SCTR: variants seen among roughly 807,000 people sequenced by gnomAD.
SCTR encodes the protein secretin receptor.
In SCTR, 56 loss-of-function variants were observed where a neutral mutation model predicts 60.8. The observed-to-expected ratio is 0.92, with a 90% CI of 0.74 to 1.15. SCTR has a LOEUF of 1.15. SCTR is among the 50% of genes most tolerant of loss of function. The pLI is 0.00. For synonymous variants in SCTR, 202 were observed against 217.0 expected (o/e 0.93, Z 0.61); for missense variants, 562 against 550.4 (o/e 1.02, Z -0.21).
At position 119,440,170 on chromosome 2, in the gene SCTR, T is replaced by C. The variant is rs1682601818; in HGVS notation, c.1270A>G (p.Lys424Glu). The C allele has an allele frequency of 1.2e-6, 2 of 1,614,078 alleles. No homozygotes were observed. The highest frequency in any genetic ancestry group is 8.5e-7 in the Non-Finnish European group (1 of 1,180,002). Residue 424 changes from lysine (K) to glutamate (E), a missense_variant, in exon 13 of 13, where the codon AAG becomes GAG. Physicochemically the swap from Lys to Glu is moderately conservative, Grantham distance 56. Coordinates refer to ENST00000019103, the MANE Select transcript of SCTR (RefSeq NM_002980.3). ...TGGCTCTGCTCCAAGTGGCTGGCCTTGGTGCTGTTGCTGAAGGAGGCCACG... is the reference window on the plus strand; with the variant it reads ...TGGCTCTGCTCCAAGTGGCTGGCCTCGGTGCTGTTGCTGAAGGAGGCCACG... ...HPVASFSNST[K>E]ASHLEQSQGT... is the part of the protein sequence containing the mutation.
chr2:119,521,522 T>C (rs1039575402), intron 1 of SCTR, among the ~76,000 whole-genome samples: 17 of 152,042 alleles, frequency 1.1e-4, no homozygotes, highest in African/African-American at 4.1e-4. Flanking sequence ...ATGAGATGTA[T>C]GGGGGTGGGG....
At chr2:119,518,115 C>T (rs1319374775) in intron 1 of SCTR, among the ~76,000 whole-genome samples, 6 of 152,178 alleles carry the variant, frequency 3.9e-5, no homozygotes, top group African/African-American at 9.7e-5. Context: ...AGAGACCAAA[C>T]CCTTGGGGAT....
At chr2:119,505,644 G>T (rs576566923) in intron 1 of SCTR, among the ~76,000 whole-genome samples, 2 of 150,608 alleles carry the variant, frequency 1.3e-5, no homozygotes, top group Non-Finnish European at 2.9e-5. Flanking sequence ...CTCATAGGTG[G>T]GAACTGAACA....
At chr2:119,494,348 C>T in intron 2 of SCTR, 80 bp downstream of exon 2, 1 of 1,505,726 alleles carries the variant, frequency 6.6e-7, no homozygotes, top group South Asian at 1.2e-5. Flanking sequence ...CATCCTGGCC[C>T]AGGATAAGCT....
At chr2:119,452,130 G>A in intron 8 of SCTR, 51 bp from the exon 9 acceptor site, 1 of 1,156,646 alleles carries the variant, frequency 8.6e-7, no homozygotes, top group Non-Finnish European at 1.3e-6. Context: ...GTGGGAGCTG[G>A]GCTAACCAGC....
chr2:119,453,173 G>A (rs771505680), intron 8 of SCTR, 114 bp downstream of exon 8: 1 of 786,646 alleles, frequency 1.3e-6, no homozygotes, highest in Non-Finnish European at 2.2e-6. Flanking sequence ...CTCATCTGTG[G>A]CCTCTACTTT....
chr2:119,473,693 G>A, intron 3 of SCTR, 137 bp from the exon 4 acceptor site: 1 of 657,086 alleles, frequency 1.5e-6, no homozygotes, highest in Non-Finnish European at 2.8e-6. Flanking sequence ...TCCAGAACTT[G>A]CCCAAGACCA....
In SCTR at chr2:119,465,865, T is replaced by C. The variant is rs1397352894; in HGVS notation, c.427A>G (p.Lys143Glu). Reference protein sequence around the residue: ...EKRHSYLLKLKVMYTVGYSSS... With the variant: ...EKRHSYLLKLEVMYTVGYSSS... ...CTGTAGCCCACGGTGTACATGACTT[T>C]CAGCTTCAGCAGGTAGGAGTGCTGC... is the stretch of plus-strand genomic sequence containing the variant. The change falls in exon 5 of 13, where the codon AAA becomes GAA. Residue 143 changes from lysine (K) to glutamate (E), a missense_variant. Physicochemically the swap from Lys to Glu is moderately conservative, Grantham distance 56. Transcript: ENST00000019103. 1.2e-6 allele frequency: 2 copies of C among 1,613,906 alleles called. No homozygotes were observed. The highest frequency in any genetic ancestry group is 1.7e-6 in the Non-Finnish European group (2 of 1,179,838).
At chr2:119,482,870 C>T (rs1677692353) in intron 2 of SCTR, among the ~76,000 whole-genome samples, 1 of 152,232 alleles carries the variant, frequency 6.6e-6, no homozygotes, top group South Asian at 2.1e-4. Context: ...CCAGAGCCCT[C>T]TTTCCCTGTG....
At chr2:119,442,457 C>G (rs996588345) in intron 11 of SCTR, among the ~76,000 whole-genome samples, 1 of 152,240 alleles carries the variant, frequency 6.6e-6, no homozygotes, top group Non-Finnish European at 1.5e-5. Flanking sequence ...TCAGATGGCC[C>G]AACTCCTCCT....
chr2:119,522,739 A>G (rs1679326130), intron 1 of SCTR, among the ~76,000 whole-genome samples: 2 of 152,172 alleles, frequency 1.3e-5, no homozygotes, highest in African/African-American at 4.8e-5. Flanking sequence ...GGTCCCAAGG[A>G]AGGAGCTATT....
In SCTR at chr2:119,464,235, T is replaced by C. The variant is rs781403774; in HGVS notation, c.524A>G (p.Asn175Ser). 1.2e-6 allele frequency: 2 copies of C among 1,614,156 alleles called. No individual in the cohort carries two copies. Among genetic ancestry groups the C allele is most frequent in the East Asian group, 2.2e-5 (1 of 44,878 alleles). The change falls in exon 6 of 13, where the codon AAC becomes AGC. Residue 175 changes from asparagine (N) to serine (S), a missense_variant. Transcript: ENST00000019103. ...CACGAACAGGTGCATGTGGATGTAG[T>C]TGCGAGTGCAGTGGAGCCTCCTGCA... The part of the protein sequence containing the change: ...CAFRRLHCTR[N>S]YIHMHLFVSF...
chr2:119,520,385 G>A (rs1302439120), intron 1 of SCTR, among the ~76,000 whole-genome samples: 1 of 152,184 alleles, frequency 6.6e-6, no homozygotes, highest in Non-Finnish European at 1.5e-5. Context: ...TGTAGTTTCA[G>A]CTGCTTGGGA....
Position 119,462,003 on chromosome 2 carries a change from G to GGA in SCTR, c.637-5_637-4dup. 5.0e-6 allele frequency: 8 copies of GGA among 1,596,446 alleles called. No homozygotes were observed. Among genetic ancestry groups the GGA allele is most frequent in the Non-Finnish European group, 6.8e-6 (8 of 1,170,670 alleles). On this transcript the variant is annotated splice_polypyrimidine_tract_variant and splice_region_variant and intron_variant, in intron 6 of 12. Transcript: ENST00000019103. ...ACCATGACCAGCTTGCAGCCCGCCT[G>GGA]GAGAGAGAGAGGCAGCTGAACCCAG...
chr2:119,485,126 C>T (rs1348911329), intron 2 of SCTR, among the ~76,000 whole-genome samples: 2 of 152,234 alleles, frequency 1.3e-5, no homozygotes, highest in Admixed American at 6.5e-5. Context: ...TCCCCCTGAA[C>T]GTGGTGGTGC....
At chr2:119,523,518 A>G (rs1451416576) in intron 1 of SCTR, among the ~76,000 whole-genome samples, 2 of 151,472 alleles carry the variant, frequency 1.3e-5, no homozygotes, top group African/African-American at 2.4e-5. Flanking sequence ...CGCAGACATT[A>G]GGGAGCCGCA....
At chr2:119,522,122 C>T (rs1679305654) in intron 1 of SCTR, among the ~76,000 whole-genome samples, 1 of 152,154 alleles carries the variant, frequency 6.6e-6, no homozygotes, top group East Asian at 1.9e-4. Flanking sequence ...TGGAGAAATC[C>T]CATCTCTACT....
At chr2:119,492,184 G>T (rs1678156343) in intron 2 of SCTR, among the ~76,000 whole-genome samples, 1 of 152,182 alleles carries the variant, frequency 6.6e-6, no homozygotes, top group South Asian at 2.1e-4. Flanking sequence ...GAGGACAGAA[G>T]CCACACATTC....
Position 119,453,272 on chromosome 2 carries a change from C to T in SCTR, c.851+15G>A, listed in dbSNP as rs1683241949. Reference sequence around the variant, plus strand: ...TGTCAGATACATTCTTGTTATCCTCCTTCCGTTAGCTTACCCAACATCTTC... The same window carrying T: ...TGTCAGATACATTCTTGTTATCCTCTTTCCGTTAGCTTACCCAACATCTTC... On this transcript the variant is annotated intron_variant, in intron 8 of 12. Transcript: ENST00000019103. The T allele has an allele frequency of 3.8e-6, 6 of 1,584,326 alleles. No homozygotes were observed. Among genetic ancestry groups the T allele is most frequent in the Non-Finnish European group, 5.2e-6 (6 of 1,153,000 alleles).
Sources: allele counts gnomAD v4.1 joint callset (sites outside exome capture counted in the v4.1 genomes callset), GRCh38; gene constraint gnomAD v4.1.1; transcripts MANE v1.5; gene names NCBI Gene and HGNC (gene_info 2026-07-23, HGNC 2026-07-21).